The following FGD5 variants were observed in gnomAD, a reference collection of about 807,000 sequenced individuals.
FGD5 encodes the protein FYVE, RhoGEF and PH domain-containing protein 5.
Under a neutral mutation model 133.4 loss-of-function variants are expected in FGD5, and 28 were observed. The ratio of observed to expected loss-of-function variants is 0.21; its 90% confidence interval spans 0.16 to 0.29. FGD5 has a LOEUF of 0.29. Ranked by LOEUF, FGD5 falls within the 10% of genes least tolerant of loss-of-function variation. The pLI, the probability that FGD5 is intolerant of heterozygous loss-of-function variation, is 1.00. For synonymous variants in FGD5, 810 were observed against 776.5 expected (o/e 1.04, Z -0.72); for missense variants, 1,858 against 1,895.2 (o/e 0.98, Z 0.36).
In FGD5 at chr3:14,838,141, C is replaced by T. The variant is rs79964889; in HGVS notation, c.2525+16545C>T. ...ACGTCCACTCCTGTGGGACTGAGGG[C>T]CCTGCTTCCCTGTTGGCTGTCACGG... On this transcript the variant is annotated intron_variant, in intron 1 of 19. Coordinates refer to ENST00000285046, the MANE Select transcript of FGD5 (RefSeq NM_152536.4). Among the ~76,000 whole-genome samples, 82 of 152,316 alleles carry T rather than the reference C, an allele frequency of 5.4e-4. 1 individual carries two copies. In the East Asian group the frequency reaches 0.014, roughly 26 times the overall value.
At chr3:14,916,548 C>CT (rs2038558525) in intron 11 of FGD5, among the ~76,000 whole-genome samples, 1 of 152,298 alleles carries the variant, frequency 6.6e-6, no homozygotes, top group South Asian at 2.1e-4. Context: ...CTTAGCTATA[C>CT]TTTATCGAGC....
intron 9 of FGD5, among the ~76,000 whole-genome samples, chr3:14,905,478 C>G (rs1014431968): frequency 1.3e-5 from 2 of 152,102 alleles, no homozygotes; most frequent in Admixed American, 1.3e-4. Context: ...TTTCCCTGCT[C>G]TTTGTGTTTC....
chr3:14,925,600 G>T (rs1429986003), intron 17 of FGD5, among the ~76,000 whole-genome samples: 2 of 152,116 alleles, frequency 1.3e-5, no homozygotes, highest in African/African-American at 4.8e-5. Context: ...CCACCACAAA[G>T]AGTAGTAATA....
At chr3:14,900,834 G>T (rs1441716617) in intron 8 of FGD5, among the ~76,000 whole-genome samples, 169 bp from the exon 9 acceptor site, 1 of 152,204 alleles carries the variant, frequency 6.6e-6, no homozygotes, top group East Asian at 1.9e-4. Flanking sequence ...AACATATTCA[G>T]TTTACAGCCA....
chr3:14,883,447 C>G (rs2037866190), intron 4 of FGD5, among the ~76,000 whole-genome samples: 1 of 152,178 alleles, frequency 6.6e-6, no homozygotes, highest in African/African-American at 2.4e-5. Context: ...CTCATCTGTC[C>G]TTTCATCTAT....
intron 1 of FGD5, among the ~76,000 whole-genome samples, chr3:14,833,094 G>C (rs186282816): frequency 1.7e-4 from 26 of 152,266 alleles, no homozygotes; most frequent in Admixed American, 1.1e-3. Flanking sequence ...CCCCAAGACT[G>C]TCCAGCCTTC....
In FGD5 at chr3:14,922,619, C is replaced by T. The variant is rs963103767; in HGVS notation, c.3807+71C>T. Reference sequence around the variant, plus strand: ...GGGGAAGGGCATGTCCCTGCCCAGCCGGGGGCTCAGGGATGTCCAGCAGCT... The same window carrying T: ...GGGGAAGGGCATGTCCCTGCCCAGCTGGGGGCTCAGGGATGTCCAGCAGCT... On this transcript the variant is annotated intron_variant, in intron 15 of 19. Coordinates refer to ENST00000285046, the MANE Select transcript of FGD5 (RefSeq NM_152536.4). This position sits in a 1 kb window ranked among gnomAD's most constrained non-coding sequence, Gnocchi z 4.1. 1.3e-4 allele frequency: 185 copies of T among 1,378,016 alleles called. 2 individuals are homozygous for T. The South Asian group carries it at 1.9e-3, about 14-fold the overall frequency. The allele number at this position is 1,378,016 out of a possible 1,614,324, so 85.4% of individuals were successfully genotyped here. A position where few individuals can be genotyped will look rare whatever the true frequency, so the allele number is the denominator to read the frequency against.
chr3:14,828,386 G>A (rs1319521978), intron 1 of FGD5, among the ~76,000 whole-genome samples: 2 of 152,204 alleles, frequency 1.3e-5, no homozygotes, highest in Non-Finnish European at 2.9e-5. Context: ...AGACTCCAAT[G>A]AAAATGTCTT....
chr3:14,915,735 A>G (rs2038541216), intron 11 of FGD5, among the ~76,000 whole-genome samples: 1 of 152,094 alleles, frequency 6.6e-6, no homozygotes, highest in Non-Finnish European at 1.5e-5. Flanking sequence ...CATTGGTGCC[A>G]TGTGCACAGG....
intron 9 of FGD5, among the ~76,000 whole-genome samples, chr3:14,904,741 T>C (rs1451469077): frequency 6.6e-6 from 1 of 152,262 alleles, no homozygotes; most frequent in East Asian, 1.9e-4. Flanking sequence ...AGCAAAGAAA[T>C]ATATGTGTAT....
chr3:14,900,882 G>A (rs545301217), intron 8 of FGD5, 121 bp from the exon 9 acceptor site: 1 of 1,068,906 alleles, frequency 9.4e-7, no homozygotes, highest in Admixed American at 1.7e-5. Context: ...TCAAATCACT[G>A]TCAAGGTCAC....
At chr3:14,815,793 G>T (rs1575183023), upstream of FGD5, among the ~76,000 whole-genome samples, 1 of 152,196 alleles carries the variant, frequency 6.6e-6, no homozygotes, top group Admixed American at 6.5e-5. Flanking sequence ...TGGCAAAAAG[G>T]GGATGGCAGA....
chr3:14,900,438 TACG>T lies in FGD5; in HGVS notation c.3193_3195del (p.Asp1065del). 1 of 1,613,506 alleles carries T rather than the reference TACG, an allele frequency of 6.2e-7. No individual in the cohort carries two copies. The highest frequency in any genetic ancestry group is 8.5e-7 in the Non-Finnish European group (1 of 1,179,706). ...CAACCTTTGTCCGGACTCCGCCGAG[TACG>T]ACAACACACAGGGTGAGTCCAGCGT... On this transcript the variant is annotated inframe_deletion, in exon 8 of 20. Transcript: ENST00000285046.
At chr3:14,843,864 T>C (rs1196445303) in intron 1 of FGD5, among the ~76,000 whole-genome samples, 1 of 151,606 alleles carries the variant, frequency 6.6e-6, no homozygotes, top group Non-Finnish European at 1.5e-5. Context: ...CAACTAATTT[T>C]TGTATTTTTT....
chr3:14,817,504 T>G (rs2036389443), upstream of FGD5, among the ~76,000 whole-genome samples: 1 of 152,208 alleles, frequency 6.6e-6, no homozygotes, highest in Non-Finnish European at 1.5e-5. Context: ...CCTTACCTAT[T>G]TATTTTTAAT....
At chr3:14,925,209 C>A (rs1185013605) in intron 17 of FGD5, among the ~76,000 whole-genome samples, 3 of 151,562 alleles carry the variant, frequency 2.0e-5, no homozygotes, top group African/African-American at 7.3e-5. Flanking sequence ...TCCTTCCCAG[C>A]CTCCCTCAAT....
At chr3:14,924,174 G>A (rs1322382759) in intron 17 of FGD5, 36 bp downstream of exon 17, 2 of 1,613,620 alleles carry the variant, frequency 1.2e-6, no homozygotes, top group Non-Finnish European at 1.7e-6. Flanking sequence ...GGGAAGTAGG[G>A]CATTTGGAAG....
chr3:14,831,164 G>C (rs116445286), intron 1 of FGD5, among the ~76,000 whole-genome samples: 59 of 152,270 alleles, frequency 3.9e-4, no homozygotes, highest in African/African-American at 1.4e-3. Context: ...TGTGGGGTTC[G>C]TAGAGAGGTA....
intron 1 of FGD5, among the ~76,000 whole-genome samples, chr3:14,843,066 C>T (rs566920877): frequency 4.6e-5 from 7 of 152,044 alleles, no homozygotes; most frequent in Non-Finnish European, 7.4e-5. Flanking sequence ...TTTAAAATCC[C>T]GAGAGTTGAA....
Sources: allele counts gnomAD v4.1 joint callset (sites outside exome capture counted in the v4.1 genomes callset), GRCh38; gene constraint gnomAD v4.1.1; non-coding constraint Gnocchi (gnomAD v3.1); transcripts MANE v1.5; gene names NCBI Gene and HGNC (gene_info 2026-07-23, HGNC 2026-07-21).